IP6K1: variants seen among roughly 807,000 people sequenced by gnomAD.
The protein encoded by IP6K1 is inositol hexakisphosphate kinase 1.
In IP6K1, 13 loss-of-function variants were observed where a neutral mutation model predicts 38.3. The ratio of observed to expected loss-of-function variants is 0.34; its 90% confidence interval spans 0.22 to 0.54. The LOEUF (loss-of-function observed/expected upper bound fraction) is 0.54. IP6K1 is among the 20% of genes least tolerant of loss of function. IP6K1 has a pLI of 0.92. For synonymous variants in IP6K1, 212 were observed against 229.9 expected (o/e 0.92, Z 0.70); for missense variants, 397 against 599.8 (o/e 0.66, Z 3.53).
At chr3:49,733,850 C>T in intron 3 of IP6K1, among the ~76,000 whole-genome samples, 1 of 152,196 alleles carries the variant, frequency 6.6e-6, no homozygotes, top group East Asian at 1.9e-4. Flanking sequence ...TAAGTCAAGG[C>T]CAGGCACTGT....
rs2108219706 is a variant in IP6K1, at chr3:49,728,242, T to C, written c.653A>G (p.Lys218Arg). ...CTTCAGGTCCAACACGCAGGGGTAC[T>C]TGAAGTGGTGCACCACGTTCTCAAG... ...LLLENVVHHF[K>R]YPCVLDLKMG... Residue 218 changes from lysine to arginine, a missense_variant, in exon 5 of 6, where the codon AAG becomes AGG. Physicochemically the swap from Lys to Arg is conservative, Grantham distance 26. Around this residue, in one of 3 missense-constraint regions of IP6K1, gnomAD observed 62 missense variants for 149.2 expected, o/e 0.42. Transcript: ENST00000321599. 1.2e-6 allele frequency: 2 copies of C among 1,614,152 alleles called. No homozygotes were observed. The highest frequency in any genetic ancestry group is 1.7e-6 in the Non-Finnish European group (2 of 1,180,026).
intron 1 of IP6K1, among the ~76,000 whole-genome samples, chr3:49,767,161 G>A (rs146938204): frequency 1.3e-5 from 2 of 151,072 alleles, no homozygotes; most frequent in African/African-American, 2.4e-5. Flanking sequence ...CAGTAGTCTC[G>A]GCTACTTGGA....
In IP6K1 at chr3:49,753,525, A is replaced by T. The variant is rs2080796498; in HGVS notation, c.-128-5357T>A. Among the ~76,000 whole-genome samples the T allele has an allele frequency of 1.3e-5, 2 of 152,168 alleles. 1 individual carries two copies. The highest frequency in any genetic ancestry group is 1.3e-4 in the Admixed American group (2 of 15,252). On this transcript the variant is annotated intron_variant, in intron 1 of 5. Coordinates refer to ENST00000321599, the MANE Select transcript of IP6K1 (RefSeq NM_153273.4). ...TGTCTACTGTTTATTATTTATGATG[A>T]TGATGTCAGTTATATGAGTATCCTA... is the stretch of plus-strand genomic sequence containing the variant.
intron 1 of IP6K1, among the ~76,000 whole-genome samples, chr3:49,756,827 A>AG (rs2080827499): frequency 6.9e-6 from 1 of 145,554 alleles, no homozygotes; most frequent in Non-Finnish European, 1.5e-5. Flanking sequence ...CAAAAAAAAA[A>AG]AAAAAAAAAA....
intron 1 of IP6K1, among the ~76,000 whole-genome samples, chr3:49,784,839 G>A (rs575998667): frequency 6.6e-6 from 1 of 152,054 alleles, no homozygotes; most frequent in Non-Finnish European, 1.5e-5. Context: ...CAGCTACTCG[G>A]GAGGCTGAGG....
intron 1 of IP6K1, among the ~76,000 whole-genome samples, chr3:49,777,909 G>A (rs1453797347): frequency 6.6e-6 from 1 of 152,070 alleles, no homozygotes; most frequent in African/African-American, 2.4e-5. Context: ...GCGAGACTCT[G>A]TGGCAAACAA....
chr3:49,727,935 G>A lies in IP6K1; in HGVS notation c.792+168C>T, dbSNP rs1005912037. On this transcript the variant is annotated intron_variant, in intron 5 of 5. Coordinates refer to ENST00000321599, the MANE Select transcript of IP6K1 (RefSeq NM_153273.4). This position sits in a 1 kb window ranked among gnomAD's most constrained non-coding sequence, Gnocchi z 5.9. The stretch of plus-strand genomic sequence containing the variant: ...CAAGAGTCTTATTTGTCCCAATGTC[G>A]AGGCAGCAGACTCTCACAGTGGTCC... Among the ~76,000 whole-genome samples, 5 of 152,142 alleles carry A rather than the reference G, an allele frequency of 3.3e-5. No homozygotes were observed. The highest frequency in any genetic ancestry group is 1.2e-4 in the African/African-American group (5 of 41,414).
At chr3:49,739,081 CT>C (rs1321965787) in intron 2 of IP6K1, among the ~76,000 whole-genome samples, 1 of 152,166 alleles carries the variant, frequency 6.6e-6, no homozygotes, top group Non-Finnish European at 1.5e-5. Flanking sequence ...AATAAGACCC[CT>C]CTCAAGTGTT....
chr3:49,777,519 C>T (rs956301433), intron 1 of IP6K1, among the ~76,000 whole-genome samples: 1 of 150,506 alleles, frequency 6.6e-6, no homozygotes, highest in Non-Finnish European at 1.5e-5. Flanking sequence ...GTGGAGATTG[C>T]GCCACTGCAC....
At chr3:49,762,531 C>T (rs2080876199) in intron 1 of IP6K1, among the ~76,000 whole-genome samples, 1 of 152,008 alleles carries the variant, frequency 6.6e-6, no homozygotes, top group Non-Finnish European at 1.5e-5. Flanking sequence ...ACCTGGGCAA[C>T]AGAGCGAGAC....
chr3:49,729,663 C>T (rs1365668552), intron 4 of IP6K1, among the ~76,000 whole-genome samples: 1 of 151,976 alleles, frequency 6.6e-6, no homozygotes, highest in African/African-American at 2.4e-5. Context: ...CTGCCTTGGC[C>T]TCCCAAAGTG....
At chr3:49,776,102 T>C (rs1198403677) in intron 1 of IP6K1, among the ~76,000 whole-genome samples, 1 of 151,874 alleles carries the variant, frequency 6.6e-6, no homozygotes, top group East Asian at 1.9e-4. Flanking sequence ...TGCGCTATTG[T>C]CATGTTATTT....
rs1450619774 is a variant in IP6K1 at position 49,777,881 on chromosome 3, T to TC, written c.-129+8472dup. 3.3e-5 allele frequency among the ~76,000 whole-genome samples: 5 copies of TC among 151,780 alleles called. No homozygotes were observed. In the East Asian group the frequency reaches 9.9e-4, roughly 30 times the overall value. On this transcript the variant is annotated intron_variant, in intron 1 of 5. Transcript: ENST00000321599. ...AGTGAGCTGAGATCGCGCCACGCAC[T>TC]CCAGCCTGGGCGACAGAGCGAGACT...
At chr3:49,752,445 C>T (rs1270826313) in intron 1 of IP6K1, among the ~76,000 whole-genome samples, 2 of 150,668 alleles carry the variant, frequency 1.3e-5, no homozygotes, top group African/African-American at 4.9e-5. Context: ...GCCGAGATCG[C>T]GCCACTGCAC....
At chr3:49,770,251 T>G (rs1011526397) in intron 1 of IP6K1, among the ~76,000 whole-genome samples, 23 of 152,178 alleles carry the variant, frequency 1.5e-4, no homozygotes, top group Admixed American at 5.2e-4. Context: ...TTTGGAATAA[T>G]TTGTTACAGA....
rs558794163 is a variant in IP6K1, at chr3:49,783,564, T to C, written c.-129+2790A>G. ...CGTCTCTCCTAAAAATACAAAAAAATTGGCCGGGCATGGTGGCAGGTGCCT... is the reference window on the plus strand; with the variant it reads ...CGTCTCTCCTAAAAATACAAAAAAACTGGCCGGGCATGGTGGCAGGTGCCT... On this transcript the variant is annotated intron_variant, in intron 1 of 5. Coordinates refer to ENST00000321599, the MANE Select transcript of IP6K1 (RefSeq NM_153273.4). 4.6e-5 allele frequency among the ~76,000 whole-genome samples: 7 copies of C among 150,784 alleles called. 1 individual carries two copies. Among genetic ancestry groups the C allele is most frequent in the African/African-American group, 1.7e-4 (7 of 41,058 alleles).
chr3:49,745,853 CAAAA>C (rs1182788414), intron 2 of IP6K1, among the ~76,000 whole-genome samples: 1 of 56,958 alleles, frequency 1.8e-5, no homozygotes, highest in Non-Finnish European at 3.6e-5. Flanking sequence ...GACTCTGTCT[CAAAA>C]AAAAAAAAAA....
intron 2 of IP6K1, among the ~76,000 whole-genome samples, chr3:49,739,014 A>G (rs2080641545): frequency 6.6e-6 from 1 of 152,192 alleles, no homozygotes; most frequent in East Asian, 1.9e-4. Flanking sequence ...TTTTGTGCCC[A>G]TTTTAATCAA....
intron 1 of IP6K1, among the ~76,000 whole-genome samples, chr3:49,763,603 A>C (rs2080884830): frequency 6.6e-6 from 1 of 152,202 alleles, no homozygotes; most frequent in Non-Finnish European, 1.5e-5. Context: ...CATCTAAAGA[A>C]TCAATCAGTA....
Sources: allele counts gnomAD v4.1 joint callset (sites outside exome capture counted in the v4.1 genomes callset), GRCh38; gene constraint gnomAD v4.1.1; regional missense constraint gnomAD v4.1.1; non-coding constraint Gnocchi (gnomAD v3.1); transcripts MANE v1.5; gene names NCBI Gene and HGNC (gene_info 2026-07-23, HGNC 2026-07-21).